Variants in PLCG2 observed in about 807,000 individuals in gnomAD.
PLCG2 encodes phospholipase C gamma 2, also known as 1-phosphatidylinositol 4,5-bisphosphate phosphodiesterase gamma-2.
PLCG2 carries 69 observed loss-of-function variants against 175.6 expected under a neutral mutation model. That is an observed-to-expected ratio of 0.39 (90% CI 0.32 to 0.48). The LOEUF (loss-of-function observed/expected upper bound fraction) is 0.48. Ranked by LOEUF, PLCG2 falls within the 20% of genes least tolerant of loss-of-function variation. The probability of loss-of-function intolerance (pLI) is 0.91; values close to 1 mark genes in which losing one functional copy is unlikely to be tolerated. For synonymous variants in PLCG2, 827 were observed against 624.0 expected (o/e 1.33, Z -4.85); for missense variants, 1,798 against 1,650.9 (o/e 1.09, Z -1.54).
intron 2 of PLCG2, chr16:81,767,624 T>G (rs569704058): frequency 3.3e-5 from 5 of 152,326 alleles, no homozygotes; most frequent in Middle Eastern, 6.8e-3. Context: ...AAATTCACCC[T>G]TTTTGATATA....
chr16:81,784,759 A>T (rs548041294), intron 1 of PLCG2, among the ~76,000 whole-genome samples: 59 of 152,232 alleles, frequency 3.9e-4, no homozygotes, highest in Non-Finnish European at 7.1e-4. Context: ...ACCTTCTTTT[A>T]TGGGACTGGA....
intron 13 of PLCG2, 116 bp from the exon 14 acceptor site, chr16:81,900,495 GC>G (rs996159473): frequency 7.2e-6 from 6 of 827,656 alleles, no homozygotes; most frequent in Non-Finnish European, 1.1e-5. Context: ...TGGGGGTTGT[GC>G]CCCCCGAGCA....
At chr16:81,895,574 T>A (rs1220473478) in intron 12 of PLCG2, 61 of 427,452 alleles carry the variant, frequency 1.4e-4, no homozygotes, top group East Asian at 3.4e-4. Flanking sequence ...AAAAAAAAAA[T>A]GAAAAAAAAA....
chr16:81,878,776 C>T (rs1440287803), intron 7 of PLCG2, among the ~76,000 whole-genome samples: 1 of 152,170 alleles, frequency 6.6e-6, no homozygotes, highest in Non-Finnish European at 1.5e-5. Context: ...TTGTAACTTG[C>T]CTTTGGGATG....
chr16:81,911,024 C>G (rs1242866746), intron 18 of PLCG2, among the ~76,000 whole-genome samples: 1 of 152,084 alleles, frequency 6.6e-6, no homozygotes, highest in Non-Finnish European at 1.5e-5. Flanking sequence ...ATTCTCTTAC[C>G]TTTCAGAGCT....
In PLCG2 at chr16:81,858,952, A is replaced by C. The variant is rs1382505436; in HGVS notation, c.432-164A>C. ...ATCTTGGCTTAGATAGGCCTTTTCC[A>C]CACTAGGAGGAAACTGCTTCCCAAG... On this transcript the variant is annotated intron_variant, in intron 4 of 32. Transcript: ENST00000564138. Among the ~76,000 whole-genome samples the C allele has an allele frequency of 3.3e-5, 5 of 152,186 alleles. No homozygotes were observed. The East Asian group carries it at 9.6e-4, about 29-fold the overall frequency.
chr16:81,828,232 G>T (rs897989582), intron 2 of PLCG2, among the ~76,000 whole-genome samples: 31 of 132,132 alleles, frequency 2.3e-4, no homozygotes, highest in African/African-American at 8.0e-4. Flanking sequence ...GTTGAGAAAT[G>T]TCATTTTTTT....
chr16:81,767,206 G>A (rs1176814363), intron 2 of PLCG2, among the ~76,000 whole-genome samples: 1 of 137,734 alleles, frequency 7.3e-6, no homozygotes, highest in Admixed American at 8.2e-5. Flanking sequence ...GTGCAGTGGT[G>A]CAATCTCGGC....
intron 8 of PLCG2, among the ~76,000 whole-genome samples, chr16:81,881,844 G>T (rs1216493688): frequency 6.6e-6 from 1 of 151,540 alleles, no homozygotes. Context: ...TAGAGATGGG[G>T]TTTCACCATG....
At chr16:81,931,238 G>A (rs776661187) in intron 24 of PLCG2, 67 of 302,666 alleles carry the variant, frequency 2.2e-4, no homozygotes, top group Admixed American at 8.8e-4. Flanking sequence ...CATCTGCAAC[G>A]ACCCTATAAG....
chr16:81,953,873 G>C (rs1295891352), intron 31 of PLCG2, among the ~76,000 whole-genome samples: 1 of 152,130 alleles, frequency 6.6e-6, no homozygotes, highest in Non-Finnish European at 1.5e-5. Flanking sequence ...AGTTATAGAA[G>C]CATTCATAGA....
chr16:81,803,240 T>C (rs1215687624), intron 2 of PLCG2, among the ~76,000 whole-genome samples: 4 of 150,502 alleles, frequency 2.7e-5, no homozygotes, highest in African/African-American at 9.7e-5. Context: ...TGCCTCAGCC[T>C]CCTGAGTAGC....
At chr16:81,767,134 TG>T (rs1450718911) in intron 2 of PLCG2, among the ~76,000 whole-genome samples, 37 of 123,348 alleles carry the variant, frequency 3.0e-4, no homozygotes, top group African/African-American at 4.3e-4. Flanking sequence ...GATAAACTCG[TG>T]GTTTTTTTTT....
At chr16:81,856,548 G>A (rs1430049469) in intron 3 of PLCG2, among the ~76,000 whole-genome samples, 1 of 152,186 alleles carries the variant, frequency 6.6e-6, no homozygotes, top group East Asian at 1.9e-4. Flanking sequence ...TTGATTAGAA[G>A]CAGGGGAGAT....
Position 81,960,242 on chromosome 16 carries a change from AC to A in PLCG2, c.*2245del. Reference sequence around the variant, plus strand: ...GGACTGATTCTCTCAGGAAAGGCACACATGGTATGATGGCTCTTCCCAGAGT... The same window carrying A: ...GGACTGATTCTCTCAGGAAAGGCACAATGGTATGATGGCTCTTCCCAGAGT... On this transcript the variant is annotated 3_prime_UTR_variant, in exon 33 of 33. Transcript: ENST00000564138. The A allele has an allele frequency of 4.5e-6, 1 of 220,770 alleles. No individual in the cohort carries two copies. The allele number at this position is 220,770 out of a possible 1,614,324, so 13.7% of individuals were successfully genotyped here.
chr16:81,775,541 C>T (rs551497000), upstream of PLCG2, among the ~76,000 whole-genome samples: 2 of 152,158 alleles, frequency 1.3e-5, no homozygotes, highest in Admixed American at 6.5e-5. Flanking sequence ...TCTCACAGTC[C>T]CCCTCAGATG....
intron 2 of PLCG2, among the ~76,000 whole-genome samples, chr16:81,765,900 C>T: frequency 6.6e-6 from 1 of 152,184 alleles, no homozygotes; most frequent in South Asian, 2.1e-4. Flanking sequence ...AGGAAAGGGC[C>T]CTGGGGGCCC....
intron 31 of PLCG2, among the ~76,000 whole-genome samples, chr16:81,956,241 G>A (rs1911562694): frequency 6.6e-6 from 1 of 152,000 alleles, no homozygotes; most frequent in Non-Finnish European, 1.5e-5. Flanking sequence ...GCCTTTTAAG[G>A]CCCTTAAAAG....
At chr16:81,880,979 G>T in intron 8 of PLCG2, 26 bp downstream of exon 8, 2 of 1,612,666 alleles carry the variant, frequency 1.2e-6, no homozygotes, top group Middle Eastern at 1.7e-4. Flanking sequence ...TGTGTCGTTC[G>T]GGGCGGCTGT....
Sources: gnomAD v4.1 joint callset for allele counts (sites outside exome capture counted in the v4.1 genomes callset) on GRCh38, gnomAD v4.1.1 for gene constraint, MANE v1.5 for transcripts, NCBI Gene and HGNC (gene_info 2026-07-23, HGNC 2026-07-21) for gene names.